Variants in NR2C2 observed in about 807,000 individuals in gnomAD.
NR2C2 encodes the protein Nuclear hormone receptor TR4.
Under a neutral mutation model 62.9 loss-of-function variants are expected in NR2C2, and 6 were observed. That is an observed-to-expected ratio of 0.10 (90% CI 0.05 to 0.19). NR2C2 has a LOEUF of 0.19. Among genes scored for constraint, NR2C2 ranks in the 10% least tolerant of loss-of-function variants. The pLI is 1.00. For missense variants in NR2C2, 479 were observed against 762.7 expected (o/e 0.63, Z 4.38); for synonymous variants, 272 against 273.8 (o/e 0.99, Z 0.07).
chr3:14,965,867 G>C (rs1159715014), intron 1 of NR2C2, among the ~76,000 whole-genome samples: 2 of 152,076 alleles, frequency 1.3e-5, no homozygotes, highest in Non-Finnish European at 2.9e-5. Context: ...GTTTCGCCTT[G>C]TTGGCCAGGC....
At chr3:14,998,417 C>T (rs1218728341) in intron 1 of NR2C2, among the ~76,000 whole-genome samples, 1 of 152,200 alleles carries the variant, frequency 6.6e-6, no homozygotes, top group African/African-American at 2.4e-5. Context: ...TCCACATTTT[C>T]ACCAATACTT....
chr3:14,955,520 T>C (rs1288339164), intron 1 of NR2C2, among the ~76,000 whole-genome samples: 3 of 152,278 alleles, frequency 2.0e-5, no homozygotes, highest in Admixed American at 2.0e-4. Flanking sequence ...GTTGCGATTT[T>C]AGAGTCAAAG....
Position 15,030,374 on chromosome 3 carries a change from C to G in NR2C2, c.1032C>G (p.His344Gln). The G allele has an allele frequency of 6.2e-7, 1 of 1,613,538 alleles. No individual in the cohort carries two copies. ...ACACCAGTGGAGGAGGGAGCATCCA[C>G]GTCATCAGCAGAGACCAGTCGACAC... ...GIDTSGGGSI[H>Q]VISRDQSTPI... The change falls in exon 9 of 14, where the codon CAC becomes CAG. Residue 344 changes from histidine (H) to glutamine (Q), a missense_variant. His to Gln is a conservative substitution (Grantham distance 24). Transcript: ENST00000425241.
At chr3:14,981,195 A>G (rs565850696) in intron 1 of NR2C2, among the ~76,000 whole-genome samples, 14 of 152,336 alleles carry the variant, frequency 9.2e-5, no homozygotes, top group Admixed American at 1.3e-4. Context: ...CACAGGGTGC[A>G]ATGGCTCACA....
chr3:14,987,531 A>G (rs1377220788), intron 1 of NR2C2, among the ~76,000 whole-genome samples: 1 of 152,206 alleles, frequency 6.6e-6, no homozygotes, highest in African/African-American at 2.4e-5. Flanking sequence ...TTTTTTAATT[A>G]TAAAAGTTGT....
rs749271920 is a variant in NR2C2 at position 15,048,869 on chromosome 3, A to G, written c.*5861A>G. ...ATTACCAGCCCTTTTAAAGGCATCT[A>G]TCTATCAAAGGAAAATTTGGGTGTT... On this transcript the variant is annotated 3_prime_UTR_variant, in exon 14 of 14. Coordinates refer to ENST00000425241, the MANE Select transcript of NR2C2 (RefSeq NM_001291694.2). 3.9e-5 allele frequency: 6 copies of G among 152,722 alleles called. No individual in the cohort carries two copies. Among genetic ancestry groups the G allele is most frequent in the African/African-American group, 1.2e-4 (5 of 41,524 alleles). The allele number at this position is 152,722 out of a possible 1,614,324, so 9.5% of individuals were successfully genotyped here.
At position 15,029,576 on chromosome 3, in the gene NR2C2, G is replaced by A. The variant is rs574649610; in HGVS notation, c.933-699G>A. 7.3e-4 allele frequency among the ~76,000 whole-genome samples: 111 copies of A among 152,234 alleles called. 1 individual carries two copies. The highest frequency in any genetic ancestry group is 2.6e-3 in the African/African-American group (109 of 41,532). On this transcript the variant is annotated intron_variant, in intron 8 of 13. Transcript: ENST00000425241. ...TACCACTTACTATATGGATGGTCTT[G>A]GAAAAGTTATTTAACAACTGTAAGC...
chr3:14,973,390 G>A (rs909088888), intron 1 of NR2C2, among the ~76,000 whole-genome samples: 1 of 151,138 alleles, frequency 6.6e-6, no homozygotes, highest in African/African-American at 2.5e-5. Flanking sequence ...ACCATGCCAG[G>A]CTAATTTAAA....
intron 8 of NR2C2, 100 bp downstream of exon 8, chr3:15,028,819 C>G: frequency 7.7e-7 from 1 of 1,296,498 alleles, no homozygotes. Flanking sequence ...CTGTATTTAA[C>G]TAAGGATGAT....
At chr3:15,032,686 A>G (rs185953949) in intron 10 of NR2C2, among the ~76,000 whole-genome samples, 186 bp downstream of exon 10, 106 of 152,286 alleles carry the variant, frequency 7.0e-4, no homozygotes, top group Middle Eastern at 3.4e-3. Context: ...CAGTTCTGCA[A>G]TGTTCCTCTA....
chr3:14,971,241 C>T (rs983533726), intron 1 of NR2C2, among the ~76,000 whole-genome samples: 1 of 151,688 alleles, frequency 6.6e-6, no homozygotes, highest in Admixed American at 6.6e-5. Flanking sequence ...CCTCAGCCTC[C>T]TGAGTAGGTG....
At chr3:15,022,994 A>G (rs1467507174) in intron 5 of NR2C2, among the ~76,000 whole-genome samples, 1 of 152,094 alleles carries the variant, frequency 6.6e-6, no homozygotes, top group African/African-American at 2.4e-5. Context: ...ACCCATCGTG[A>G]GGTCTTTTTT....
At chr3:14,994,752 T>TAAA (rs546377971) in intron 1 of NR2C2, among the ~76,000 whole-genome samples, 5 of 127,604 alleles carry the variant, frequency 3.9e-5, no homozygotes, top group East Asian at 4.9e-4. Context: ...ATTCATTCTT[T>TAAA]AAAAAAAAAA....
chr3:14,968,930 A>G (rs2125279738), intron 1 of NR2C2, among the ~76,000 whole-genome samples: 1 of 148,752 alleles, frequency 6.7e-6, no homozygotes, highest in Admixed American at 6.7e-5. Context: ...GTGGGAATTG[A>G]ACAACAAGAA....
chr3:14,950,654 T>C (rs927371339), intron 1 of NR2C2, among the ~76,000 whole-genome samples: 1 of 152,088 alleles, frequency 6.6e-6, no homozygotes, highest in Non-Finnish European at 1.5e-5. Context: ...TTATCTCACT[T>C]TATAATTACA....
chr3:15,043,089 A>G lies in NR2C2; in HGVS notation c.*81A>G. ...CAAAGAAAAGTAGTGGTATTTTGGT[A>G]TGTGCAAATATTTCCATATGTTAGC... On this transcript the variant is annotated 3_prime_UTR_variant, in exon 14 of 14. Coordinates refer to ENST00000425241, the MANE Select transcript of NR2C2 (RefSeq NM_001291694.2). 7.5e-7 allele frequency: 1 copy of G among 1,341,648 alleles called. No individual in the cohort carries two copies. The allele number at this position is 1,341,648 out of a possible 1,614,324, so 83.1% of individuals were successfully genotyped here. A position where few individuals can be genotyped will look rare whatever the true frequency, so the allele number is the denominator to read the frequency against.
chr3:15,040,144 A>AGTG (rs2042215339), intron 13 of NR2C2, among the ~76,000 whole-genome samples: 2 of 151,544 alleles, frequency 1.3e-5, no homozygotes, highest in Admixed American at 1.3e-4. Context: ...TGGGTGACAG[A>AGTG]GTGAGACTCC....
At chr3:15,002,645 CTTTTTTTTTTTTTTTTT>C (rs371981775) in intron 1 of NR2C2, among the ~76,000 whole-genome samples, 7 of 39,508 alleles carry the variant, frequency 1.8e-4, no homozygotes, top group South Asian at 1.6e-3. Flanking sequence ...TCACAATATA[CTTTTTTTTTTTTTTTTT>C]TTTTTTTTTT....
At chr3:15,014,139 A>G (rs2041433695) in intron 3 of NR2C2, among the ~76,000 whole-genome samples, 1 of 152,218 alleles carries the variant, frequency 6.6e-6, no homozygotes, top group South Asian at 2.1e-4. Flanking sequence ...AGGGCTGACT[A>G]CAGCCAGGCG....
Sources: gnomAD v4.1 joint callset for allele counts (sites outside exome capture counted in the v4.1 genomes callset) on GRCh38, gnomAD v4.1.1 for gene constraint, MANE v1.5 for transcripts, NCBI Gene and HGNC (gene_info 2026-07-23, HGNC 2026-07-21) for gene names.